CTIF: variants seen among roughly 807,000 people sequenced by gnomAD.
The protein encoded by CTIF is cap binding complex dependent translation initiation factor, also known as CBP80/20-dependent translation initiation factor.
Under a neutral mutation model 66.0 loss-of-function variants are expected in CTIF, and 21 were observed. The observed-to-expected ratio is 0.32, with a 90% confidence interval of 0.23 to 0.46. The LOEUF (loss-of-function observed/expected upper bound fraction) is 0.46, where lower values mean the gene tolerates loss of function less well. Among genes scored for constraint, CTIF ranks in the 20% least tolerant of loss-of-function variants. The pLI is 1.00. For missense variants in CTIF, 739 were observed against 812.7 expected (o/e 0.91, Z 1.10); for synonymous variants, 345 against 326.4 (o/e 1.06, Z -0.62).
At chr18:48,780,178 G>GA (rs896185970) in intron 9 of CTIF, among the ~76,000 whole-genome samples, 3 of 151,714 alleles carry the variant, frequency 2.0e-5, no homozygotes, top group South Asian at 2.1e-4. Flanking sequence ...AGGGAGAGAG[G>GA]AAAAAAAACT....
intron 1 of CTIF, among the ~76,000 whole-genome samples, chr18:48,582,918 T>C (rs1179011446): frequency 6.6e-6 from 1 of 152,214 alleles, no homozygotes; most frequent in Non-Finnish European, 1.5e-5. Context: ...TCCTGGGCAC[T>C]CTTCCTCCTC....
intron 1 of CTIF, among the ~76,000 whole-genome samples, chr18:48,548,034 G>A (rs2088795438): frequency 6.6e-6 from 1 of 152,200 alleles, no homozygotes; most frequent in Admixed American, 6.5e-5. Flanking sequence ...TTAAATGCCA[G>A]GCACAATGCT....
rs748471867 is a variant in CTIF, at chr18:48,636,579, C to T, written c.181-35C>T. 6 of 1,483,328 alleles carry T rather than the reference C, an allele frequency of 4.0e-6. No homozygotes were observed. The Admixed American group carries it at 6.9e-5, about 17-fold the overall frequency. The allele number at this position is 1,483,328 out of a possible 1,614,324, so 91.9% of individuals were successfully genotyped here. A position where few individuals can be genotyped will look rare whatever the true frequency, so the allele number is the denominator to read the frequency against. On this transcript the variant is annotated intron_variant, in intron 2 of 11. Coordinates refer to ENST00000256413, the MANE Select transcript of CTIF (RefSeq NM_014772.3). ...GCAGAGTGAGCATGGGCCTGGCTGT[C>T]CTGCCGTCACTGATCGCTCCTTTCT...
At chr18:48,624,992 G>A (rs1179494113) in intron 2 of CTIF, among the ~76,000 whole-genome samples, 1 of 152,214 alleles carries the variant, frequency 6.6e-6, no homozygotes. Context: ...GGGTGCAGCA[G>A]TGGCAATGAA....
At chr18:48,848,723 C>T (rs558173289) in intron 10 of CTIF, among the ~76,000 whole-genome samples, 1 of 152,310 alleles carries the variant, frequency 6.6e-6, no homozygotes, top group South Asian at 2.1e-4. Context: ...CCTGCCTGTG[C>T]CCGTGGCCCT....
At chr18:48,611,849 T>C (rs897364547) in intron 1 of CTIF, among the ~76,000 whole-genome samples, 3 of 152,180 alleles carry the variant, frequency 2.0e-5, no homozygotes, top group African/African-American at 7.2e-5. Context: ...CCAGGAAATT[T>C]GTTTTGCAGC....
At chr18:48,857,399 G>A (rs1179070950) in intron 10 of CTIF, among the ~76,000 whole-genome samples, 189 bp from the exon 11 acceptor site, 8 of 152,302 alleles carry the variant, frequency 5.3e-5, no homozygotes, top group Middle Eastern at 6.8e-3. Flanking sequence ...AGAAATCACG[G>A]CCACCCGGCG....
chr18:48,682,379 T>C (rs537596277), intron 6 of CTIF, among the ~76,000 whole-genome samples: 3 of 152,300 alleles, frequency 2.0e-5, no homozygotes, highest in Admixed American at 6.5e-5. Flanking sequence ...AGCAGTAATA[T>C]CACCTGGGGA....
intron 1 of CTIF, among the ~76,000 whole-genome samples, chr18:48,584,922 A>G (rs2089734147): frequency 6.6e-6 from 1 of 152,200 alleles, no homozygotes. Context: ...AAATGTTTAT[A>G]CCCCTATAAT....
At chr18:48,611,157 C>T (rs1237785573) in intron 1 of CTIF, among the ~76,000 whole-genome samples, 1 of 152,234 alleles carries the variant, frequency 6.6e-6, no homozygotes, top group Non-Finnish European at 1.5e-5. Context: ...AGTGTCCTCA[C>T]CTGCGTGGCA....
chr18:48,814,894 C>A (rs1450011555), intron 9 of CTIF, among the ~76,000 whole-genome samples: 1 of 152,082 alleles, frequency 6.6e-6, no homozygotes, highest in Non-Finnish European at 1.5e-5. Flanking sequence ...ACAATCATAC[C>A]CAGGTGGACA....
chr18:48,605,260 A>G (rs58303860), intron 1 of CTIF, among the ~76,000 whole-genome samples: 27,508 of 151,880 alleles, frequency 0.18, 4,050 homozygotes, highest in African/African-American at 0.41. Flanking sequence ...GTGTTTGAGG[A>G]CTCCAGTTGC....
At chr18:48,841,640 G>A (rs369606626) in intron 10 of CTIF, among the ~76,000 whole-genome samples, 7 of 152,020 alleles carry the variant, frequency 4.6e-5, no homozygotes, top group African/African-American at 7.3e-5. Context: ...TGCTTTGCTC[G>A]ATTCAAGACG....
chr18:48,677,670 A>G (rs2091654573), intron 6 of CTIF, among the ~76,000 whole-genome samples: 1 of 151,896 alleles, frequency 6.6e-6, no homozygotes, highest in African/African-American at 2.4e-5. Context: ...CCTCCTCATC[A>G]CTCAAGAATC....
At chr18:48,628,831 C>T (rs951669104) in intron 2 of CTIF, among the ~76,000 whole-genome samples, 1 of 152,168 alleles carries the variant, frequency 6.6e-6, no homozygotes, top group Non-Finnish European at 1.5e-5. Context: ...CAAATCTCAG[C>T]CATCAGCAGC....
chr18:48,575,796 A>G (rs1158405126), intron 1 of CTIF, among the ~76,000 whole-genome samples: 1 of 152,262 alleles, frequency 6.6e-6, no homozygotes, highest in Non-Finnish European at 1.5e-5. Flanking sequence ...CCCAAGCCCT[A>G]GTTATCCACA....
At chr18:48,621,872 A>T (rs768383226) in intron 2 of CTIF, among the ~76,000 whole-genome samples, 18 of 152,180 alleles carry the variant, frequency 1.2e-4, no homozygotes, top group Non-Finnish European at 2.4e-4. Context: ...TGTGTGTTCA[A>T]TCCAGGGGCA....
intron 10 of CTIF, among the ~76,000 whole-genome samples, chr18:48,828,114 C>G (rs1158008790): frequency 6.6e-6 from 1 of 151,982 alleles, no homozygotes; most frequent in East Asian, 1.9e-4. Flanking sequence ...CCTTAGCAAC[C>G]ATGGTAACAC....
At chr18:48,755,777 C>G (rs1490714348) in intron 7 of CTIF, 1 of 152,218 alleles carries the variant, frequency 6.6e-6, no homozygotes, top group African/African-American at 2.4e-5. Context: ...CAGCAGGATT[C>G]AGTTCAGGGT....
Sources: gnomAD v4.1 joint callset for allele counts (sites outside exome capture counted in the v4.1 genomes callset) on GRCh38, gnomAD v4.1.1 for gene constraint, MANE v1.5 for transcripts, NCBI Gene and HGNC (gene_info 2026-07-23, HGNC 2026-07-21) for gene names.